Variants in NTM observed in about 807,000 individuals in gnomAD.
NTM encodes IgLON family member 2.
A neutral mutation model predicts 42.1 loss-of-function variants in NTM; 13 were observed. That is an observed-to-expected ratio of 0.31 (90% CI 0.20 to 0.49). NTM has a LOEUF of 0.49. Among genes scored for constraint, NTM ranks in the 20% least tolerant of loss-of-function variants. The pLI is 0.99. For synonymous variants in NTM, 187 were observed against 179.2 expected (o/e 1.04, Z -0.35); for missense variants, 373 against 452.8 (o/e 0.82, Z 1.60).
intron 1 of NTM, among the ~76,000 whole-genome samples, chr11:131,448,478 G>A (rs1950235428): frequency 6.6e-6 from 1 of 152,202 alleles, no homozygotes; most frequent in African/African-American, 2.4e-5. Context: ...GAGGCCAGGT[G>A]GAGTATTTGC....
At chr11:132,204,132 C>A (rs988637896) in intron 3 of NTM, among the ~76,000 whole-genome samples, 1 of 152,028 alleles carries the variant, frequency 6.6e-6, no homozygotes, top group Admixed American at 6.6e-5. Flanking sequence ...CAGTTGGTTG[C>A]CTTAGAGAGA....
chr11:131,653,209 C>CT (rs992237535), intron 1 of NTM, among the ~76,000 whole-genome samples: 16 of 151,798 alleles, frequency 1.1e-4, no homozygotes, highest in African/African-American at 3.1e-4. Flanking sequence ...TCTTAGGGAC[C>CT]TTTTTTTTGA....
chr11:131,602,236 C>A (rs1279471161), intron 1 of NTM, among the ~76,000 whole-genome samples: 4 of 152,092 alleles, frequency 2.6e-5, no homozygotes, highest in Non-Finnish European at 4.4e-5. Context: ...ATGGCCTTTG[C>A]TGTTCTGTTA....
At chr11:132,145,338 G>C (rs2070145627) in intron 2 of NTM, among the ~76,000 whole-genome samples, 1 of 152,218 alleles carries the variant, frequency 6.6e-6, no homozygotes, top group South Asian at 2.1e-4. Flanking sequence ...GTATACATTT[G>C]AGACATCATT....
At chr11:131,397,613 G>A (rs757117860) in intron 1 of NTM, among the ~76,000 whole-genome samples, 5 of 152,204 alleles carry the variant, frequency 3.3e-5, no homozygotes, top group South Asian at 2.1e-4. Flanking sequence ...CAGTTCTCCT[G>A]TTCTGGCATG....
intron 7 of NTM, among the ~76,000 whole-genome samples, chr11:132,318,912 G>A (rs1291874845): frequency 6.6e-6 from 1 of 151,412 alleles, no homozygotes; most frequent in African/African-American, 2.5e-5. Context: ...ATGAAAAAAA[G>A]TACCTTTTTA....
chr11:132,001,205 C>A (rs1210991753), intron 2 of NTM, among the ~76,000 whole-genome samples: 1 of 152,136 alleles, frequency 6.6e-6, no homozygotes, highest in Non-Finnish European at 1.5e-5. Flanking sequence ...TTAAGTTTAG[C>A]AAATACTGAA....
chr11:132,314,955 A>C (rs539566895), intron 7 of NTM: 2 of 1,206,098 alleles, frequency 1.7e-6, no homozygotes, highest in South Asian at 4.3e-5. Context: ...TGTATAGTAC[A>C]TGTATAAAAG....
intron 1 of NTM, among the ~76,000 whole-genome samples, chr11:131,707,780 A>G (rs367951206): frequency 1.3e-5 from 2 of 152,128 alleles, no homozygotes; most frequent in Non-Finnish European, 2.9e-5. Flanking sequence ...GTACTTCAAC[A>G]TAATAAAGGT....
At chr11:131,761,423 G>C (rs1307189561) in intron 1 of NTM, among the ~76,000 whole-genome samples, 2 of 152,118 alleles carry the variant, frequency 1.3e-5, no homozygotes, top group African/African-American at 4.8e-5. Flanking sequence ...TCTGAATAAT[G>C]GTGTTTGGAG....
chr11:132,134,121 C>A (rs944322675), intron 2 of NTM, among the ~76,000 whole-genome samples: 2 of 152,156 alleles, frequency 1.3e-5, no homozygotes, highest in African/African-American at 2.4e-5. Context: ...CAGGGTCTCA[C>A]CATGTTGCCC....
intron 4 of NTM, among the ~76,000 whole-genome samples, chr11:132,242,807 G>A (rs1008393971): frequency 1.3e-5 from 2 of 152,180 alleles, no homozygotes; most frequent in East Asian, 3.8e-4. Context: ...GCTTGGAAAC[G>A]CGTCCCCATT....
intron 1 of NTM, among the ~76,000 whole-genome samples, chr11:131,481,195 C>A (rs1165675804): frequency 1.3e-5 from 2 of 152,074 alleles, no homozygotes; most frequent in South Asian, 4.2e-4. Flanking sequence ...AGAATATGGG[C>A]TTGAGGTGAA....
chr11:132,226,186 CTTTATAGTAGAATGA>C (rs1410137221), intron 4 of NTM, among the ~76,000 whole-genome samples: 1 of 152,162 alleles, frequency 6.6e-6, no homozygotes, highest in African/African-American at 2.4e-5. Context: ...GTGCATGTGT[CTTTATAGTAGAATGA>C]TTTATAATCC....
At chr11:131,951,523 G>A (rs191242282) in intron 2 of NTM, among the ~76,000 whole-genome samples, 1 of 152,284 alleles carries the variant, frequency 6.6e-6, no homozygotes, top group East Asian at 1.9e-4. Context: ...GCCTGCAGGA[G>A]AGTGGTCTGG....
intron 1 of NTM, among the ~76,000 whole-genome samples, chr11:131,610,023 C>T (rs2061343052): frequency 6.6e-6 from 1 of 152,164 alleles, no homozygotes; most frequent in South Asian, 2.1e-4. Context: ...GCAAAATCAC[C>T]CTAGCAGCAT....
intron 2 of NTM, among the ~76,000 whole-genome samples, chr11:132,104,937 G>GTATGTATATA (rs1555263301): frequency 3.2e-5 from 2 of 61,824 alleles, no homozygotes; most frequent in African/African-American, 6.1e-5. Flanking sequence ...ATATACATAT[G>GTATGTATATA]TATATATATA....
In NTM at chr11:132,002,494, C is replaced by G. The variant is rs964508101; in HGVS notation, c.167+90846C>G. ...ACCCTACGTCTCAATTCATCATAAG[C>G]AAATACAATTACTACTCTGCAAATA... On this transcript the variant is annotated intron_variant, in intron 2 of 8. Transcript: ENST00000683400. This position sits in a 1 kb window ranked among gnomAD's most constrained non-coding sequence, Gnocchi z 4.5. Among the ~76,000 whole-genome samples, 12 of 152,114 alleles carry G rather than the reference C, an allele frequency of 7.9e-5. No homozygotes were observed. Among genetic ancestry groups the G allele is most frequent in the Admixed American group, 1.3e-4 (2 of 15,264 alleles).
At chr11:131,414,510 C>T (rs1946745834) in intron 1 of NTM, among the ~76,000 whole-genome samples, 1 of 152,180 alleles carries the variant, frequency 6.6e-6, no homozygotes, top group Non-Finnish European at 1.5e-5. Context: ...TTCCATCAGA[C>T]AGGTTCTTTC....
Sources: allele counts gnomAD v4.1 joint callset (sites outside exome capture counted in the v4.1 genomes callset), GRCh38; gene constraint gnomAD v4.1.1; non-coding constraint Gnocchi (gnomAD v3.1); transcripts MANE v1.5; gene names NCBI Gene and HGNC (gene_info 2026-07-23, HGNC 2026-07-21).